TBC1D5: variants seen among roughly 807,000 people sequenced by gnomAD.
The protein encoded by TBC1D5 is TBC1 domain family, member 5.
A neutral mutation model predicts 100.3 loss-of-function variants in TBC1D5; 75 were observed. The observed-to-expected ratio is 0.75, with a 90% CI of 0.62 to 0.91. The LOEUF (loss-of-function observed/expected upper bound fraction) is 0.91. Among genes scored for constraint, TBC1D5 ranks in the 40% least tolerant of loss-of-function variants. The pLI, the probability that TBC1D5 is intolerant of heterozygous loss-of-function variation, is 0.00. For synonymous variants in TBC1D5, 323 were observed against 325.6 expected (o/e 0.99, Z 0.09); for missense variants, 910 against 942.4 (o/e 0.97, Z 0.45).
chr3:17,362,100 GAAAA>G (rs1329724865), intron 13 of TBC1D5, among the ~76,000 whole-genome samples: 11 of 151,738 alleles, frequency 7.2e-5, no homozygotes, highest in Non-Finnish European at 1.6e-4. Context: ...ATTTAAAAAA[GAAAA>G]AAAGTTGACC....
At chr3:17,703,235 T>C (rs952381726) in intron 1 of TBC1D5, among the ~76,000 whole-genome samples, 1 of 151,970 alleles carries the variant, frequency 6.6e-6, no homozygotes, top group Admixed American at 6.6e-5. Flanking sequence ...TACTCAATTA[T>C]AATTACATTT....
At position 17,728,196 on chromosome 3, in the gene TBC1D5, T is replaced by C. The variant is rs188346721; in HGVS notation, c.-101+11147A>G. On this transcript the variant is annotated intron_variant, in intron 1 of 21. Coordinates refer to ENST00000253692, the Ensembl canonical transcript of TBC1D5. ...GTTTAACGGAGCAATATTTGAAACA[T>C]TGCCATTAACATCAGGCATCAAACA... Among the ~76,000 whole-genome samples, 32 of 152,320 alleles carry C rather than the reference T, an allele frequency of 2.1e-4. 1 individual carries two copies. The East Asian group carries it at 4.4e-3, about 21-fold the overall frequency.
intron 1 of TBC1D5, among the ~76,000 whole-genome samples, chr3:17,734,130 A>G (rs975488822): frequency 3.3e-5 from 5 of 152,250 alleles, no homozygotes; most frequent in African/African-American, 1.2e-4. Context: ...TGTCTAGTGT[A>G]GCACTATTTG....
At chr3:17,350,190 AC>A (rs1239572307) in intron 13 of TBC1D5, among the ~76,000 whole-genome samples, 1 of 152,118 alleles carries the variant, frequency 6.6e-6, no homozygotes, top group African/African-American at 2.4e-5. Flanking sequence ...GGTCATCAGC[AC>A]CCATTTTTTA....
At chr3:17,613,439 T>C (rs2061856223) in intron 2 of TBC1D5, among the ~76,000 whole-genome samples, 1 of 152,232 alleles carries the variant, frequency 6.6e-6, no homozygotes. Flanking sequence ...TTTCTAGTTT[T>C]AGATCCTTCA....
At chr3:17,451,403 C>T (rs1275361823) in intron 3 of TBC1D5, among the ~76,000 whole-genome samples, 2 of 152,134 alleles carry the variant, frequency 1.3e-5, no homozygotes, top group African/African-American at 4.8e-5. Flanking sequence ...AAGAAAAGCT[C>T]ATCATCACTG....
chr3:17,618,670 C>CA (rs1277004054), intron 2 of TBC1D5, among the ~76,000 whole-genome samples: 1 of 152,232 alleles, frequency 6.6e-6, no homozygotes, highest in African/African-American at 2.4e-5. Flanking sequence ...GCTGTGCTAG[C>CA]AGTGAGCAAA....
intron 13 of TBC1D5, among the ~76,000 whole-genome samples, chr3:17,337,098 A>G (rs531522418): frequency 2.0e-4 from 30 of 146,700 alleles, no homozygotes; most frequent in Non-Finnish European, 4.5e-4. Context: ...TCTCAAACAT[A>G]GCTTGCACCA....
intron 18 of TBC1D5, among the ~76,000 whole-genome samples, chr3:17,190,264 C>T (rs993878308): frequency 2.6e-5 from 4 of 151,978 alleles, no homozygotes; most frequent in African/African-American, 9.7e-5. Context: ...GATGGTCAAA[C>T]CTGTACAGAA....
intron 1 of TBC1D5, among the ~76,000 whole-genome samples, chr3:17,704,363 T>TC (rs2073668742): frequency 6.6e-6 from 1 of 152,076 alleles, no homozygotes; most frequent in Non-Finnish European, 1.5e-5. Flanking sequence ...CTCAATCCCT[T>TC]CCCCACCCTT....
At chr3:17,252,622 G>C (rs1426559501) in intron 16 of TBC1D5, among the ~76,000 whole-genome samples, 5 of 152,270 alleles carry the variant, frequency 3.3e-5, no homozygotes, top group African/African-American at 1.2e-4. Context: ...CTTACCCCAA[G>C]AAAGCCTAGC....
rs145936702 is a variant in TBC1D5 at position 17,357,890 on chromosome 3, TTTC to T, written c.995+14182_995+14184del. ...GAAAAGATACTTTATAAATATTACA[TTTC>T]TCTGCATATTTCTTGTTTTACAGAA... On this transcript the variant is annotated intron_variant, in intron 13 of 21. Transcript: ENST00000253692. 4.5e-3 allele frequency among the ~76,000 whole-genome samples: 688 copies of T among 152,312 alleles called. 4 individuals carry two copies. The highest frequency in any genetic ancestry group is 0.016 in the African/African-American group (668 of 41,572).
chr3:17,466,697 A>G (rs567957523), intron 3 of TBC1D5, among the ~76,000 whole-genome samples: 68 of 152,276 alleles, frequency 4.5e-4, no homozygotes, highest in African/African-American at 1.5e-3. Context: ...TTAGACCACT[A>G]GACAAGACAT....
rs192093110 is a variant in TBC1D5 at position 17,319,908 on chromosome 3, T to A, written c.996-11774A>T. ...GAAAAAAAGCATAAACAGGAGCACA[T>A]ATTTTTAAATTTAACAATGATTGCT... On this transcript the variant is annotated intron_variant, in intron 13 of 21. Coordinates refer to ENST00000253692, the Ensembl canonical transcript of TBC1D5. 1.1e-3 allele frequency among the ~76,000 whole-genome samples: 160 copies of A among 152,212 alleles called. 2 individuals carry two copies. Among genetic ancestry groups the A allele is most frequent in the African/African-American group, 3.7e-3 (155 of 41,532 alleles).
At chr3:17,269,978 T>C (rs1040739340) in intron 15 of TBC1D5, among the ~76,000 whole-genome samples, 1 of 152,146 alleles carries the variant, frequency 6.6e-6, no homozygotes, top group Non-Finnish European at 1.5e-5. Flanking sequence ...ATCTTTTACT[T>C]AGAATGATAT....
In TBC1D5 at chr3:17,219,087, G is replaced by T. The variant is rs1444334018; in HGVS notation, c.1589-4717C>A. Among the ~76,000 whole-genome samples, 304 of 139,834 alleles carry T rather than the reference G, an allele frequency of 2.2e-3. 1 individual carries two copies. The highest frequency in any genetic ancestry group is 3.7e-3 in the Middle Eastern group (1 of 268). The allele number at this position is 139,834 out of a possible 152,430, so 91.7% of individuals were successfully genotyped here. A position where few individuals can be genotyped will look rare whatever the true frequency, so the allele number is the denominator to read the frequency against. Reference sequence around the variant, plus strand: ...TCTGCAGGTCCTTGAGGCTCTTTTTGTTTTTTTTTTTTATTCTTTGTCTTT... The same window carrying T: ...TCTGCAGGTCCTTGAGGCTCTTTTTTTTTTTTTTTTTTATTCTTTGTCTTT... On this transcript the variant is annotated intron_variant, in intron 17 of 21. Coordinates refer to ENST00000253692, the Ensembl canonical transcript of TBC1D5.
At chr3:17,167,261 G>GT (rs2066718328) in intron 20 of TBC1D5, among the ~76,000 whole-genome samples, 2 of 152,138 alleles carry the variant, frequency 1.3e-5, no homozygotes, top group Non-Finnish European at 2.9e-5. Context: ...TCACTAAAGT[G>GT]GCTCCACCTG....
intron 17 of TBC1D5, among the ~76,000 whole-genome samples, chr3:17,220,395 T>C (rs962133287): frequency 1.3e-5 from 2 of 152,142 alleles, no homozygotes; most frequent in East Asian, 3.8e-4. Flanking sequence ...AGTTTCCTGA[T>C]AACTAGAGAG....
chr3:17,635,129 G>C (rs1389384569), intron 1 of TBC1D5, among the ~76,000 whole-genome samples: 3 of 152,168 alleles, frequency 2.0e-5, no homozygotes, highest in Admixed American at 2.0e-4. Context: ...GTTTCTGACT[G>C]TGCTACTAGA....
Sources: gnomAD v4.1 joint callset for allele counts (sites outside exome capture counted in the v4.1 genomes callset) on GRCh38, gnomAD v4.1.1 for gene constraint, MANE v1.5 for transcripts, NCBI Gene and HGNC (gene_info 2026-07-23, HGNC 2026-07-21) for gene names.